The following NFATC2 variants were observed in gnomAD, a reference collection of about 807,000 sequenced individuals.
NFATC2 encodes nuclear factor of activated T-cells, cytoplasmic 2.
A neutral mutation model predicts 87.3 loss-of-function variants in NFATC2; 22 were observed. The observed-to-expected ratio is 0.25, with a 90% CI of 0.18 to 0.36. The LOEUF is 0.36. Ranked by LOEUF, NFATC2 falls within the 10% of genes least tolerant of loss-of-function variation. The pLI, the probability that NFATC2 is intolerant of heterozygous loss-of-function variation, is 1.00. For missense variants in NFATC2, 1,149 were observed against 1,259.1 expected (o/e 0.91, Z 1.32); for synonymous variants, 565 against 542.2 (o/e 1.04, Z -0.58).
chr20:51,444,779 T>C (rs1189492382), intron 6 of NFATC2, among the ~76,000 whole-genome samples: 1 of 152,104 alleles, frequency 6.6e-6, no homozygotes, highest in Admixed American at 6.6e-5. Context: ...CAGAAAAACG[T>C]GTCCTCCCTG....
chr20:51,396,072 ATAT>A (rs1268364529), intron 10 of NFATC2, among the ~76,000 whole-genome samples: 1 of 29,406 alleles, frequency 3.4e-5, no homozygotes, highest in Non-Finnish European at 6.3e-5. Context: ...ATATATATAT[ATAT>A]ATATATATAT....
chr20:51,503,538 G>A (rs1460905075), intron 3 of NFATC2, among the ~76,000 whole-genome samples: 3 of 152,170 alleles, frequency 2.0e-5, no homozygotes, highest in Admixed American at 2.0e-4. Context: ...GAGGAGGCGG[G>A]CATCGGAGGG....
At chr20:51,514,554 G>T (rs1012761174) in intron 3 of NFATC2, among the ~76,000 whole-genome samples, 2 of 152,188 alleles carry the variant, frequency 1.3e-5, no homozygotes, top group Non-Finnish European at 2.9e-5. Flanking sequence ...ATGAAGGAAA[G>T]GTGCATGGAG....
At chr20:51,489,376 T>C (rs2075843601) in intron 3 of NFATC2, among the ~76,000 whole-genome samples, 3 of 152,100 alleles carry the variant, frequency 2.0e-5, no homozygotes, top group Admixed American at 2.0e-4. Context: ...GAACAGGAGG[T>C]AAGAAGGAAC....
rs80276769 is a variant in NFATC2 at position 51,446,742 on chromosome 20, C to T, written c.1849+7806G>A. On this transcript the variant is annotated intron_variant, in intron 6 of 10. Coordinates refer to ENST00000371564, the MANE Select transcript of NFATC2 (RefSeq NM_012340.5). ...ATTTTCTCTATCTCCACGGCAGCTT[C>T]GGAGTTGCAATCTGGATCGCATCTT... 2.9e-4 allele frequency among the ~76,000 whole-genome samples: 44 copies of T among 152,354 alleles called. No individual in the cohort carries two copies. The East Asian group carries it at 7.9e-3, about 27-fold the overall frequency.
intron 10 of NFATC2, among the ~76,000 whole-genome samples, chr20:51,394,844 G>T (rs901980555): frequency 6.6e-6 from 1 of 150,862 alleles, no homozygotes; most frequent in Admixed American, 6.6e-5. Context: ...GTTCCCAAAT[G>T]GGGCCACGTG....
At position 51,396,623 on chromosome 20, in the gene NFATC2, G is replaced by A. The variant is rs186992262; in HGVS notation, c.*44+2020C>T. 6.0e-3 allele frequency among the ~76,000 whole-genome samples: 908 copies of A among 152,264 alleles called. 5 individuals are homozygous for A. The highest frequency in any genetic ancestry group is 0.01 in the Non-Finnish European group (686 of 68,014). The stretch of plus-strand genomic sequence containing the variant: ...GGCCAGAAAGACACTCCTCAAGCTT[G>A]GATGGGAATCAAGAGGGCTGCATTC... On this transcript the variant is annotated intron_variant, in intron 10 of 10. Transcript: ENST00000371564.
At chr20:51,522,459 C>T (rs983391384) in intron 2 of NFATC2, among the ~76,000 whole-genome samples, 4 of 152,050 alleles carry the variant, frequency 2.6e-5, no homozygotes, top group Non-Finnish European at 5.9e-5. Flanking sequence ...TAGTGAGTGG[C>T]GGAGGCAGGA....
At chr20:51,489,032 A>AT (rs2075835118) in intron 3 of NFATC2, among the ~76,000 whole-genome samples, 1 of 152,232 alleles carries the variant, frequency 6.6e-6, no homozygotes, top group Non-Finnish European at 1.5e-5. Flanking sequence ...TCTACTAAAC[A>AT]TACAAAAATT....
chr20:51,395,805 G>T (rs2146211091), intron 10 of NFATC2, among the ~76,000 whole-genome samples: 1 of 151,280 alleles, frequency 6.6e-6, no homozygotes, highest in South Asian at 2.1e-4. Context: ...AATAAAAATG[G>T]CTATAGACAC....
intron 3 of NFATC2, among the ~76,000 whole-genome samples, chr20:51,482,794 C>T (rs771657999): frequency 1.3e-5 from 2 of 152,226 alleles, no homozygotes; most frequent in Non-Finnish European, 2.9e-5. Context: ...CGCTTTCAGA[C>T]TTTTCTTCCA....
chr20:51,413,478 G>A (rs1270714617), intron 9 of NFATC2, among the ~76,000 whole-genome samples: 2 of 152,160 alleles, frequency 1.3e-5, no homozygotes, highest in Non-Finnish European at 1.5e-5. Context: ...ACCTAAAGAG[G>A]CGGGGTGTGG....
Position 51,536,859 on chromosome 20 carries a change from T to C in NFATC2, c.130+5511A>G, listed in dbSNP as rs185030253. 2.1e-3 allele frequency among the ~76,000 whole-genome samples: 318 copies of C among 152,218 alleles called. 1 individual carries two copies. Among genetic ancestry groups the C allele is most frequent in the Middle Eastern group, 0.017 (5 of 294 alleles). ...GAATGTCACATGTGTTTAGTGAACC[T>C]GCTTGCTTAGTGTAGAACACTATTT... On this transcript the variant is annotated intron_variant, in intron 1 of 10. Coordinates refer to ENST00000371564, the MANE Select transcript of NFATC2 (RefSeq NM_012340.5).
At chr20:51,422,523 A>G (rs1385359438) in intron 9 of NFATC2, among the ~76,000 whole-genome samples, 1 of 152,112 alleles carries the variant, frequency 6.6e-6, no homozygotes, top group African/African-American at 2.4e-5. Context: ...TGCAGCAGAG[A>G]AGAGCCAAAT....
At chr20:51,529,905 T>C (rs557023385) in intron 1 of NFATC2, among the ~76,000 whole-genome samples, 1 of 152,324 alleles carries the variant, frequency 6.6e-6, no homozygotes, top group South Asian at 2.1e-4. Context: ...GCTCTGAGTC[T>C]GAGGCTTTAT....
intron 3 of NFATC2, among the ~76,000 whole-genome samples, chr20:51,483,531 T>A (rs960781613): frequency 3.8e-4 from 57 of 151,732 alleles, no homozygotes; most frequent in African/African-American, 1.4e-3. Flanking sequence ...CACACATGGA[T>A]CCCAATTCAG....
Position 51,387,459 on chromosome 20 carries a change from C to T in NFATC2, c.*4037G>A, listed in dbSNP as rs1004949214. On this transcript the variant is annotated 3_prime_UTR_variant, in exon 11 of 11. Transcript: ENST00000371564. Reference sequence around the variant, plus strand: ...GACCCTGATGGCTCAGGGAGCAACTCTCTGTTATCAACCACCAGAAAAGTT... The same window carrying T: ...GACCCTGATGGCTCAGGGAGCAACTTTCTGTTATCAACCACCAGAAAAGTT... 6.6e-6 allele frequency: 1 copy of T among 152,196 alleles called. No individual in the cohort carries two copies. The highest frequency in any genetic ancestry group is 1.5e-5 in the Non-Finnish European group (1 of 68,036). The allele number at this position is 152,196 out of a possible 1,614,324, so 9.4% of individuals were successfully genotyped here. A position where few individuals can be genotyped will look rare whatever the true frequency, so the allele number is the denominator to read the frequency against.
At chr20:51,414,300 A>G (rs774645443) in intron 9 of NFATC2, among the ~76,000 whole-genome samples, 10 of 152,218 alleles carry the variant, frequency 6.6e-5, no homozygotes. Flanking sequence ...GAAAGAGACC[A>G]TGTTCATTTC....
chr20:51,398,594 G>T, intron 10 of NFATC2, 49 bp downstream of exon 10: 1 of 1,392,728 alleles, frequency 7.2e-7, no homozygotes, highest in Non-Finnish European at 9.9e-7. Context: ...TTCAAGTTAA[G>T]GAAACACACA....
Sources: gnomAD v4.1 joint callset for allele counts (sites outside exome capture counted in the v4.1 genomes callset) on GRCh38, gnomAD v4.1.1 for gene constraint, MANE v1.5 for transcripts, NCBI Gene and HGNC (gene_info 2026-07-23, HGNC 2026-07-21) for gene names.